The following TMEM132C variants were observed in gnomAD, a reference collection of about 807,000 sequenced individuals.
The protein encoded by TMEM132C is protein phosphatase 1, regulatory subunit 152.
A neutral mutation model predicts 61.4 loss-of-function variants in TMEM132C; 29 were observed. The ratio of observed to expected loss-of-function variants is 0.47; its 90% CI spans 0.35 to 0.64. The LOEUF is 0.64. Ranked by LOEUF, TMEM132C falls within the 30% of genes least tolerant of loss-of-function variation. The pLI is 0.00. For synonymous variants in TMEM132C, 656 were observed against 633.1 expected (o/e 1.04, Z -0.54); for missense variants, 1,408 against 1,476.9 (o/e 0.95, Z 0.76).
chr12:128,557,538 C>G (rs1020529482), intron 3 of TMEM132C, among the ~76,000 whole-genome samples: 1 of 152,132 alleles, frequency 6.6e-6, no homozygotes, highest in African/African-American at 2.4e-5. Flanking sequence ...CAGGTGAGGT[C>G]CTCCCCCTGA....
Position 128,589,225 on chromosome 12 carries a change from G to A in TMEM132C, c.1122-26927G>A, listed in dbSNP as rs371060759. Among the ~76,000 whole-genome samples the A allele has an allele frequency of 9.2e-5, 14 of 152,094 alleles. No homozygotes were observed. In the East Asian group the frequency reaches 9.7e-4, roughly 10 times the overall value. The stretch of plus-strand genomic sequence containing the variant: ...CGAAGGCAAGGCGCACAAGGAACAA[G>A]CGTTAGTGCAGAACGTGAGGCCCCT... On this transcript the variant is annotated intron_variant, in intron 3 of 8. Transcript: ENST00000435159.
At chr12:128,324,446 TGTG>T (rs1298812522) in intron 1 of TMEM132C, among the ~76,000 whole-genome samples, 2 of 152,196 alleles carry the variant, frequency 1.3e-5, no homozygotes, top group African/African-American at 2.4e-5. Context: ...AGTGCATGTG[TGTG>T]GGTATCACAT....
intron 1 of TMEM132C, among the ~76,000 whole-genome samples, chr12:128,388,106 C>A (rs1454799633): frequency 1.3e-5 from 2 of 152,242 alleles, no homozygotes; most frequent in African/African-American, 4.8e-5. Context: ...AGAGCCCGAG[C>A]CCAGGAAAAG....
intron 2 of TMEM132C, among the ~76,000 whole-genome samples, chr12:128,525,563 G>A (rs1321017885): frequency 6.6e-6 from 1 of 152,162 alleles, no homozygotes; most frequent in Non-Finnish European, 1.5e-5. Context: ...CTCTGTGTCA[G>A]TGGCACACAG....
At chr12:128,523,811 G>GGA (rs397816205) in intron 2 of TMEM132C, among the ~76,000 whole-genome samples, 3,750 of 99,886 alleles carry the variant, frequency 0.038, 153 homozygotes, top group African/African-American at 0.087. Flanking sequence ...ACAAGCCCAG[G>GGA]AAAAAAAAAA....
intron 2 of TMEM132C, among the ~76,000 whole-genome samples, chr12:128,509,294 A>G (rs1872494012): frequency 6.6e-6 from 1 of 152,200 alleles, no homozygotes; most frequent in Non-Finnish European, 1.5e-5. Flanking sequence ...TAAAGGGGAA[A>G]GAGCGGGCGG....
chr12:128,655,863 A>G (rs1440571318), intron 4 of TMEM132C, among the ~76,000 whole-genome samples: 1 of 152,226 alleles, frequency 6.6e-6, no homozygotes, highest in Non-Finnish European at 1.5e-5. Flanking sequence ...CATCTCAAGC[A>G]TAAAAAGAAA....
intron 2 of TMEM132C, among the ~76,000 whole-genome samples, chr12:128,466,093 C>T (rs1162767517): frequency 6.6e-6 from 1 of 152,042 alleles, no homozygotes; most frequent in Admixed American, 6.5e-5. Context: ...AAAGACAGAA[C>T]AGGGTGGGGA....
chr12:128,268,151 C>G (rs1289667245), intron 1 of TMEM132C, among the ~76,000 whole-genome samples: 1 of 152,182 alleles, frequency 6.6e-6, no homozygotes, highest in Non-Finnish European at 1.5e-5. Context: ...GTGCGTCCCT[C>G]GCGACGGGAA....
intron 3 of TMEM132C, among the ~76,000 whole-genome samples, chr12:128,548,897 G>A (rs1874056270): frequency 6.6e-6 from 1 of 152,210 alleles, no homozygotes. Flanking sequence ...ATGATTTAAA[G>A]TATGCAGGAG....
At chr12:128,444,451 A>C (rs1869903768) in intron 2 of TMEM132C, among the ~76,000 whole-genome samples, 1 of 152,198 alleles carries the variant, frequency 6.6e-6, no homozygotes, top group African/African-American at 2.4e-5. Flanking sequence ...CACATGGGGA[A>C]CTTTTTGTAA....
In TMEM132C at chr12:128,650,615, G is replaced by A. The variant is rs2135609596; in HGVS notation, c.1306-18802G>A. 3.9e-5 allele frequency among the ~76,000 whole-genome samples: 6 copies of A among 152,198 alleles called. 1 individual carries two copies. Among genetic ancestry groups the A allele is most frequent in the Admixed American group, 3.9e-4 (6 of 15,268 alleles). ...AGGATAGTGCATGCCTGCAGTCCCA[G>A]CTACTCGGGAGGCTGAAATGGGAAG... On this transcript the variant is annotated intron_variant, in intron 4 of 8. Transcript: ENST00000435159.
In TMEM132C at chr12:128,280,959, G is replaced by T. The variant is rs7977143; in HGVS notation, c.85+13472G>T. Among the ~76,000 whole-genome samples the T allele has an allele frequency of 5.9e-3, 892 of 152,224 alleles. 10 individuals are homozygous for T. Among genetic ancestry groups the T allele is most frequent in the African/African-American group, 0.02 (843 of 41,530 alleles). The stretch of plus-strand genomic sequence containing the variant: ...GGATGCAGAGAAAAATGTGGGTGTT[G>T]TTACCCACATTTGAGACCAGAAAAA... On this transcript the variant is annotated intron_variant, in intron 1 of 8. Coordinates refer to ENST00000435159, the MANE Select transcript of TMEM132C (RefSeq NM_001136103.3).
chr12:128,285,129 C>T (rs1476450290), intron 1 of TMEM132C, among the ~76,000 whole-genome samples: 4 of 152,116 alleles, frequency 2.6e-5, no homozygotes, highest in African/African-American at 7.2e-5. Context: ...GGAGACAGAA[C>T]AAGACCCTGT....
intron 2 of TMEM132C, among the ~76,000 whole-genome samples, chr12:128,530,508 A>G (rs1054727081): frequency 2.0e-5 from 3 of 151,946 alleles, no homozygotes; most frequent in Non-Finnish European, 2.9e-5. Context: ...CAGTGGCACA[A>G]TCTCGGCTCA....
chr12:128,381,160 G>A (rs1238412005), intron 1 of TMEM132C, among the ~76,000 whole-genome samples: 1 of 152,198 alleles, frequency 6.6e-6, no homozygotes, highest in Non-Finnish European at 1.5e-5. Flanking sequence ...GTACAACGCG[G>A]GCATATTTGA....
chr12:128,447,552 G>A (rs1870023541), intron 2 of TMEM132C, among the ~76,000 whole-genome samples: 1 of 152,092 alleles, frequency 6.6e-6, no homozygotes, highest in Non-Finnish European at 1.5e-5. Flanking sequence ...CTTATGCATA[G>A]CATTTGCCCA....
At chr12:128,335,090 T>C (rs1328461538) in intron 1 of TMEM132C, among the ~76,000 whole-genome samples, 1 of 152,246 alleles carries the variant, frequency 6.6e-6, no homozygotes, top group Non-Finnish European at 1.5e-5. Flanking sequence ...CATTTCGTTT[T>C]AAAATTTAGA....
At chr12:128,301,427 C>T (rs1299432700) in intron 1 of TMEM132C, among the ~76,000 whole-genome samples, 5 of 152,190 alleles carry the variant, frequency 3.3e-5, no homozygotes, top group South Asian at 2.1e-4. Flanking sequence ...TTAAATATAT[C>T]GAAATTTATT....
Sources: allele counts gnomAD v4.1 joint callset (sites outside exome capture counted in the v4.1 genomes callset), GRCh38; gene constraint gnomAD v4.1.1; transcripts MANE v1.5; gene names NCBI Gene and HGNC (gene_info 2026-07-23, HGNC 2026-07-21).